Variants in CAST observed in about 807,000 individuals in gnomAD.
The protein encoded by CAST is calpastatin.
CAST carries 76 observed loss-of-function variants against 119.6 expected under a neutral mutation model. The observed-to-expected ratio is 0.64, with a 90% CI of 0.53 to 0.77. CAST has a LOEUF of 0.77. Ranked by LOEUF, CAST falls within the 30% of genes least tolerant of loss-of-function variation. The pLI is 0.00. For synonymous variants in CAST, 319 were observed against 331.6 expected (o/e 0.96, Z 0.41); for missense variants, 953 against 946.5 (o/e 1.01, Z -0.09).
the CAST span, among the ~76,000 whole-genome samples, chr5:96,186,769 T>C: frequency 6.6e-6 from 1 of 152,214 alleles, no homozygotes; most frequent in Non-Finnish European, 1.5e-5. Flanking sequence ...CGTTGACGAT[T>C]TTTGCATTGA....
chr5:96,548,498 G>T (rs1026786462), intron 1 of CAST, among the ~76,000 whole-genome samples: 44 of 152,198 alleles, frequency 2.9e-4, no homozygotes, highest in African/African-American at 1.0e-3. Context: ...AGGACTTTTT[G>T]CTGTCCTTTG....
chr5:96,527,591 A>C (rs1745616556), upstream of CAST, among the ~76,000 whole-genome samples: 1 of 152,212 alleles, frequency 6.6e-6, no homozygotes, highest in Non-Finnish European at 1.5e-5. Flanking sequence ...ATACAAGCTA[A>C]TGTCAGTATC....
At chr5:96,024,145 T>C in the CAST span, among the ~76,000 whole-genome samples, 3 of 152,204 alleles carry the variant, frequency 2.0e-5, no homozygotes, top group East Asian at 1.9e-4. Context: ...TTTATCAGTC[T>C]CCACCTGTTT....
the CAST span, among the ~76,000 whole-genome samples, chr5:96,060,898 T>C: frequency 6.6e-6 from 1 of 152,156 alleles, no homozygotes; most frequent in African/African-American, 2.4e-5. Flanking sequence ...GCAGGGTGGA[T>C]TTCTGGTGAA....
the CAST span, among the ~76,000 whole-genome samples, chr5:96,305,224 A>G: frequency 1.3e-5 from 2 of 152,122 alleles, no homozygotes; most frequent in African/African-American, 4.8e-5. Flanking sequence ...TGTGAATGGG[A>G]GTTCACTCAT....
chr5:96,034,497 ACACACACACATATG>A, the CAST span, among the ~76,000 whole-genome samples: 5 of 126,738 alleles, frequency 3.9e-5, no homozygotes, highest in African/African-American at 9.5e-5. Flanking sequence ...ACACACACAC[ACACACACACATATG>A]TGTGTGTGTA....
chr5:96,772,864 A>G lies in CAST; in HGVS notation c.*248A>G, dbSNP rs749124447. 6.5e-6 allele frequency: 1 copy of G among 153,326 alleles called. No individual in the cohort carries two copies. Among genetic ancestry groups the G allele is most frequent in the Non-Finnish European group, 1.5e-5 (1 of 68,012 alleles). 9.5% of individuals were successfully genotyped at this position (153,326 alleles called of 1,614,324 possible). A position where few individuals can be genotyped will look rare whatever the true frequency, so the allele number is the denominator to read the frequency against. ...CTTTGAATTTTTTTAATTGCCTTCA[A>G]TTGGGAGAGAAAGCTTTATATTTGT... On this transcript the variant is annotated 3_prime_UTR_variant, in exon 32 of 32. Transcript: ENST00000675179.
At chr5:96,735,979 C>G (rs1217095540) in intron 9 of CAST, among the ~76,000 whole-genome samples, 193 bp from the exon 10 acceptor site, 3 of 152,178 alleles carry the variant, frequency 2.0e-5, no homozygotes, top group African/African-American at 7.2e-5. Flanking sequence ...CTTTGCCCAT[C>G]ACTAAATGAG....
At chr5:96,275,790 C>T in the CAST span, among the ~76,000 whole-genome samples, 1 of 152,176 alleles carries the variant, frequency 6.6e-6, no homozygotes, top group South Asian at 2.1e-4. Context: ...TTATGATGCA[C>T]ATTACAGGCT....
the CAST span, among the ~76,000 whole-genome samples, chr5:96,293,532 T>C: frequency 2.0e-5 from 3 of 152,080 alleles, no homozygotes; most frequent in Non-Finnish European, 2.9e-5. Context: ...TGCCTCAGCC[T>C]TCCAAAGTGC....
chr5:96,686,066 A>C (rs1007698162), intron 2 of CAST, among the ~76,000 whole-genome samples: 1 of 152,074 alleles, frequency 6.6e-6, no homozygotes, highest in Non-Finnish European at 1.5e-5. Flanking sequence ...GCAGTTTCAG[A>C]GTCAGTGGAC....
At chr5:96,766,844 A>T (rs779184731) in intron 27 of CAST, among the ~76,000 whole-genome samples, 6 of 149,934 alleles carry the variant, frequency 4.0e-5, no homozygotes, top group Non-Finnish European at 5.9e-5. Context: ...TTCTGTACTG[A>T]TTCATTTTGG....
chr5:96,611,887 C>A (rs1485419335), intron 1 of CAST, among the ~76,000 whole-genome samples: 1 of 152,066 alleles, frequency 6.6e-6, no homozygotes. Context: ...TCAAAAACCG[C>A]ATGAGACACC....
chr5:96,487,280 A>C, the CAST span, among the ~76,000 whole-genome samples: 2 of 152,192 alleles, frequency 1.3e-5, no homozygotes, highest in South Asian at 4.1e-4. Flanking sequence ...ATAATGGGTA[A>C]TATTTCCAAG....
chr5:96,727,419 T>C, intron 5 of CAST, 70 bp from the exon 6 acceptor site: 3 of 775,350 alleles, frequency 3.9e-6, no homozygotes, highest in Non-Finnish European at 6.2e-6. Context: ...AAATCTGTGA[T>C]AGTCTTTGTA....
chr5:96,260,989 C>T, the CAST span, among the ~76,000 whole-genome samples: 2 of 152,214 alleles, frequency 1.3e-5, no homozygotes, highest in Admixed American at 1.3e-4. Context: ...GGAACCTGCT[C>T]ATCCTCAGCA....
chr5:96,102,723 G>GT, the CAST span, among the ~76,000 whole-genome samples: 5,012 of 142,156 alleles, frequency 0.035, 193 homozygotes, highest in African/African-American at 0.098. Flanking sequence ...TTTTCTTGGG[G>GT]TTTTTTTTTT....
At chr5:96,085,766 C>T in the CAST span, among the ~76,000 whole-genome samples, 1 of 152,190 alleles carries the variant, frequency 6.6e-6, no homozygotes, top group Non-Finnish European at 1.5e-5. Context: ...GCTTGAAGGT[C>T]AGAGATGCTG....
the CAST span, among the ~76,000 whole-genome samples, chr5:95,979,779 A>G: frequency 6.6e-6 from 1 of 152,146 alleles, no homozygotes; most frequent in Non-Finnish European, 1.5e-5. Context: ...CCAAAGTCCC[A>G]TGTTTTTTCT....
Sources: allele counts gnomAD v4.1 joint callset (sites outside exome capture counted in the v4.1 genomes callset), GRCh38; gene constraint gnomAD v4.1.1; transcripts MANE v1.5; gene names NCBI Gene and HGNC (gene_info 2026-07-23, HGNC 2026-07-21).